The following PLEKHB2 variants were observed in gnomAD, a reference collection of about 807,000 sequenced individuals.
PLEKHB2 encodes the protein pleckstrin homology domain containing B2.
PLEKHB2 carries 31 observed loss-of-function variants against 36.5 expected under a neutral mutation model. The ratio of observed to expected loss-of-function variants is 0.85; its 90% confidence interval spans 0.64 to 1.15. PLEKHB2 has a LOEUF of 1.15. Among genes scored for constraint, PLEKHB2 ranks in the 50% most tolerant of loss-of-function variants. PLEKHB2 has a pLI of 0.00. For synonymous variants in PLEKHB2, 119 were observed against 112.0 expected (o/e 1.06, Z -0.39); for missense variants, 262 against 295.3 (o/e 0.89, Z 0.83).
intron 2 of PLEKHB2, among the ~76,000 whole-genome samples, chr2:131,124,433 G>A (rs1258682584): frequency 2.0e-5 from 3 of 152,190 alleles, no homozygotes; most frequent in Non-Finnish European, 1.5e-5. Flanking sequence ...AGAGATGACC[G>A]GAGCTACAAC....
In PLEKHB2 at chr2:131,147,375, T is replaced by A. The variant is rs1343609033; in HGVS notation, c.*602T>A. On this transcript the variant is annotated 3_prime_UTR_variant, in exon 8 of 8. Transcript: ENST00000693505. ...CCTTTGAACAATCATGCTTCAGAAA[T>A]CTGCCTGACCCTAGCTGCTGCTGCT... 6.6e-6 allele frequency: 1 copy of A among 152,264 alleles called. No homozygotes were observed. Among genetic ancestry groups the A allele is most frequent in the Admixed American group, 6.5e-5 (1 of 15,288 alleles). 9.4% of individuals were successfully genotyped at this position (152,264 alleles called of 1,614,324 possible).
intron 5 of PLEKHB2, among the ~76,000 whole-genome samples, chr2:131,131,684 C>G (rs1697699868): frequency 6.6e-6 from 1 of 151,572 alleles, no homozygotes. Context: ...TGTTCTCTTC[C>G]TTTGTTAGCA....
In PLEKHB2 at chr2:131,140,187, A is replaced by G; in HGVS notation, c.444A>G (p.Pro148=). 1.9e-6 allele frequency: 3 copies of G among 1,612,708 alleles called. No homozygotes were observed. Among genetic ancestry groups the G allele is most frequent in the Non-Finnish European group, 2.5e-6 (3 of 1,178,730 alleles). The change falls in exon 7 of 8, where the codon CCA becomes CCG. Residue 148 remains proline (P), a synonymous_variant. Coordinates refer to ENST00000693505, the MANE Select transcript of PLEKHB2 (RefSeq NM_001100623.2). ...PAPEQAYGYG[P]YGGAYPPGTQ... ...TTCAGCAGGCTTATGGCTATGGGCC[A>G]TACGGTGGTGCGTACCCGCCAGGAA... is the stretch of plus-strand genomic sequence containing the variant.
chr2:131,130,078 C>T (rs72982493), intron 4 of PLEKHB2, among the ~76,000 whole-genome samples: 1,618 of 152,024 alleles, frequency 0.011, 23 homozygotes, highest in African/African-American at 0.033. Flanking sequence ...GAGCCCCTCT[C>T]TCTCATCCAG....
intron 2 of PLEKHB2, among the ~76,000 whole-genome samples, chr2:131,123,909 C>T (rs1055542834): frequency 1.3e-5 from 2 of 150,236 alleles, no homozygotes; most frequent in African/African-American, 4.9e-5. Context: ...AGTGCAGTGG[C>T]GTGATAACTG....
At chr2:131,139,358 A>G (rs566550402) in intron 6 of PLEKHB2, among the ~76,000 whole-genome samples, 5 of 152,270 alleles carry the variant, frequency 3.3e-5, no homozygotes, top group South Asian at 4.2e-4. Flanking sequence ...CAGGAGGACT[A>G]CAAGAAAGAA....
At chr2:131,144,551 A>G in intron 7 of PLEKHB2, 1 of 446,766 alleles carries the variant, frequency 2.2e-6, no homozygotes. Context: ...AATTTGTAAA[A>G]GTAACCTTCC....
chr2:131,115,311 A>G (rs1286455450), intron 1 of PLEKHB2, among the ~76,000 whole-genome samples: 1 of 150,468 alleles, frequency 6.6e-6, no homozygotes, highest in African/African-American at 2.5e-5. Context: ...TTGGGTAGGA[A>G]TAAAGCCAAA....
rs938831000 is a variant in PLEKHB2 at position 131,126,026 on chromosome 2, G to A, written c.190+121G>A. The A allele has an allele frequency of 1.2e-5, 12 of 974,376 alleles. No homozygotes were observed. The South Asian group carries it at 1.8e-4, about 15-fold the overall frequency. The allele number at this position is 974,376 out of a possible 1,614,324, so 60.4% of individuals were successfully genotyped here. ...CAGATTGAAGAAGGGCTCCATCTCA[G>A]AGGGGCGACCACAGTGGGGCCCCAG... is the stretch of plus-strand genomic sequence containing the variant. On this transcript the variant is annotated intron_variant, in intron 3 of 7. Transcript: ENST00000693505.
At chr2:131,137,702 A>G (rs575108967) in intron 6 of PLEKHB2, among the ~76,000 whole-genome samples, 1 of 152,270 alleles carries the variant, frequency 6.6e-6, no homozygotes, top group East Asian at 1.9e-4. Context: ...TTTCAAAGAA[A>G]TAGCTTTTCG....
At chr2:131,125,642 C>A in intron 2 of PLEKHB2, 111 bp from the exon 3 acceptor site, 1 of 833,388 alleles carries the variant, frequency 1.2e-6, no homozygotes, top group Non-Finnish European at 1.8e-6. Context: ...GAGTTCAAGG[C>A]TGCAGTGACC....
At chr2:131,142,002 C>T (rs1480059695) in intron 7 of PLEKHB2, among the ~76,000 whole-genome samples, 1 of 152,210 alleles carries the variant, frequency 6.6e-6, no homozygotes, top group Non-Finnish European at 1.5e-5. Flanking sequence ...GACCCTCTCC[C>T]AGCAGCTCAG....
At chr2:131,117,570 T>C (rs1408569045) in intron 1 of PLEKHB2, among the ~76,000 whole-genome samples, 1 of 152,208 alleles carries the variant, frequency 6.6e-6, no homozygotes, top group Admixed American at 6.5e-5. Context: ...CATGACTACG[T>C]AGTTCTCAGT....
Position 131,140,187 on chromosome 2 carries a change from A to T in PLEKHB2, c.444A>T (p.Pro148=). The change falls in exon 7 of 8, where the codon CCA becomes CCT. Residue 148 remains proline, a synonymous_variant. Transcript: ENST00000693505. ...PAPEQAYGYG[P]YGGAYPPGTQ... is the part of the protein sequence containing the mutation. ...TTCAGCAGGCTTATGGCTATGGGCC[A>T]TACGGTGGTGCGTACCCGCCAGGAA... The T allele has an allele frequency of 6.2e-7, 1 of 1,612,708 alleles. No individual in the cohort carries two copies. Among genetic ancestry groups the T allele is most frequent in the Admixed American group, 1.7e-5 (1 of 60,014 alleles).
chr2:131,125,112 A>G (rs986308243), intron 2 of PLEKHB2, among the ~76,000 whole-genome samples: 4 of 152,182 alleles, frequency 2.6e-5, no homozygotes, highest in Admixed American at 1.3e-4. Context: ...AGAGAAAGAT[A>G]TTATTTTTAT....
Position 131,148,440 on chromosome 2 carries a change from A to C in PLEKHB2, c.*1667A>C, listed in dbSNP as rs1248018249. On this transcript the variant is annotated 3_prime_UTR_variant, in exon 8 of 8. Coordinates refer to ENST00000693505, the MANE Select transcript of PLEKHB2 (RefSeq NM_001100623.2). Reference sequence around the variant, plus strand: ...CATGCTTTCAACAGTGTGCTTTTACAGTGGCAGTTTAGCACAGCGAATGTC... The same window carrying C: ...CATGCTTTCAACAGTGTGCTTTTACCGTGGCAGTTTAGCACAGCGAATGTC... 1.3e-5 allele frequency: 2 copies of C among 152,188 alleles called. No individual in the cohort carries two copies. The highest frequency in any genetic ancestry group is 2.9e-5 in the Non-Finnish European group (2 of 68,032). The allele number at this position is 152,188 out of a possible 1,614,324, so 9.4% of individuals were successfully genotyped here.
chr2:131,123,156 G>A (rs145845272), intron 2 of PLEKHB2, among the ~76,000 whole-genome samples: 3 of 152,334 alleles, frequency 2.0e-5, no homozygotes, highest in Non-Finnish European at 2.9e-5. Context: ...GTCCATGGGT[G>A]TTTCAGAAGT....
rs1699490251 is a variant in PLEKHB2, at chr2:131,148,980, A to G, written c.*2207A>G. The G allele has an allele frequency of 6.6e-6, 1 of 152,092 alleles. No homozygotes were observed. Among genetic ancestry groups the G allele is most frequent in the African/African-American group, 2.4e-5 (1 of 41,396 alleles). The allele number at this position is 152,092 out of a possible 1,614,324, so 9.4% of individuals were successfully genotyped here. On this transcript the variant is annotated 3_prime_UTR_variant, in exon 8 of 8. Transcript: ENST00000693505. The stretch of plus-strand genomic sequence containing the variant: ...CACAGAGTATTGATTTTTGCTGCCA[A>G]AATGCTCTTGAAGCAGATGTCCCTG...
In PLEKHB2 at chr2:131,126,799, T is replaced by C. The variant is rs781573755; in HGVS notation, c.293+13T>C. The C allele has an allele frequency of 7.3e-6, 10 of 1,377,210 alleles. No individual in the cohort carries two copies. In the South Asian group the frequency reaches 1.1e-4, roughly 15 times the overall value. 85.3% of individuals were successfully genotyped at this position (1,377,210 alleles called of 1,614,324 possible). A position where few individuals can be genotyped will look rare whatever the true frequency, so the allele number is the denominator to read the frequency against. The stretch of plus-strand genomic sequence containing the variant: ...CAGATGATTGCTTGTAAGTTTTGCT[T>C]TCTTATGTGTTTAATTTAAAAAGTA... On this transcript the variant is annotated intron_variant, in intron 4 of 7. Coordinates refer to ENST00000693505, the MANE Select transcript of PLEKHB2 (RefSeq NM_001100623.2).
Sources: gnomAD v4.1 joint callset for allele counts (sites outside exome capture counted in the v4.1 genomes callset) on GRCh38, gnomAD v4.1.1 for gene constraint, MANE v1.5 for transcripts, NCBI Gene and HGNC (gene_info 2026-07-23, HGNC 2026-07-21) for gene names.